RTN4IP1: variants seen among roughly 807,000 people sequenced by gnomAD.
RTN4IP1 encodes the protein NAD(P)H oxidoreductase RTN4IP1, mitochondrial.
RTN4IP1 carries 32 observed loss-of-function variants against 46.6 expected under a neutral mutation model. The observed-to-expected ratio is 0.69, with a 90% confidence interval of 0.52 to 0.92. RTN4IP1 has a LOEUF of 0.92. Among genes scored for constraint, RTN4IP1 ranks in the 40% least tolerant of loss-of-function variants. The probability of loss-of-function intolerance (pLI) is 0.00; values close to 1 mark genes in which losing one functional copy is unlikely to be tolerated. For synonymous variants in RTN4IP1, 167 were observed against 161.8 expected (o/e 1.03, Z -0.24); for missense variants, 424 against 485.8 (o/e 0.87, Z 1.20).
intron 4 of RTN4IP1, among the ~76,000 whole-genome samples, chr6:106,618,138 T>C (rs1776396919): frequency 2.0e-5 from 3 of 152,216 alleles, no homozygotes. Context: ...ATAGCTTTCA[T>C]AAGTTTTCAA....
intron 4 of RTN4IP1, among the ~76,000 whole-genome samples, chr6:106,609,763 A>C (rs1403583114): frequency 6.6e-6 from 1 of 152,236 alleles, no homozygotes; most frequent in Non-Finnish European, 1.5e-5. Context: ...TTGTCAGTTC[A>C]TCTCTTCCCT....
intron 4 of RTN4IP1, among the ~76,000 whole-genome samples, chr6:106,603,820 T>C (rs1348534225): frequency 1.3e-5 from 2 of 152,168 alleles, no homozygotes; most frequent in African/African-American, 4.8e-5. Context: ...ACTGGATGGT[T>C]TCAAGTCCCA....
chr6:106,612,125 G>A (rs1208581453), intron 4 of RTN4IP1, among the ~76,000 whole-genome samples: 7 of 151,950 alleles, frequency 4.6e-5, no homozygotes, highest in Non-Finnish European at 8.8e-5. Flanking sequence ...GGTGGCTCAC[G>A]CCTGTAATCC....
intron 4 of RTN4IP1, among the ~76,000 whole-genome samples, chr6:106,618,897 T>A (rs975253790): frequency 9.2e-5 from 14 of 152,122 alleles, no homozygotes; most frequent in African/African-American, 3.4e-4. Flanking sequence ...AAGATATGGA[T>A]CTTCTTCCTA....
intron 5 of RTN4IP1, among the ~76,000 whole-genome samples, chr6:106,596,720 T>A (rs1775801429): frequency 6.6e-6 from 1 of 152,230 alleles, no homozygotes; most frequent in South Asian, 2.1e-4. Flanking sequence ...CCTTAAAATG[T>A]CTTCATAGTC....
chr6:106,627,400 C>G (rs1032199017), intron 1 of RTN4IP1, among the ~76,000 whole-genome samples: 2 of 152,108 alleles, frequency 1.3e-5, no homozygotes, highest in Non-Finnish European at 2.9e-5. Context: ...AGATAAAATA[C>G]TGCTAATTTA....
In RTN4IP1 at chr6:106,623,092, A is replaced by T. The variant is rs1428302446; in HGVS notation, c.275-123T>A. On this transcript the variant is annotated intron_variant, in intron 1 of 8. Coordinates refer to ENST00000369063, the MANE Select transcript of RTN4IP1 (RefSeq NM_032730.5). ...GATGTAGATTATAAATCATTCCATT[A>T]CAAAGACACATAAGTGTATGTTCAC... 3 of 919,422 alleles carry T rather than the reference A, an allele frequency of 3.3e-6. No homozygotes were observed. In the East Asian group the frequency reaches 7.4e-5, roughly 23 times the overall value. 57.0% of individuals were successfully genotyped at this position (919,422 alleles called of 1,614,324 possible). A position where few individuals can be genotyped will look rare whatever the true frequency, so the allele number is the denominator to read the frequency against.
At position 106,572,061 on chromosome 6, in the gene RTN4IP1, GA is replaced by G; in HGVS notation, c.1125del (p.Pro376GlnfsTer5). 6.2e-7 allele frequency: 1 copy of G among 1,613,974 alleles called. No homozygotes were observed. Among genetic ancestry groups the G allele is most frequent in the African/African-American group, 1.3e-5 (1 of 75,010 alleles). ...VIEQTFPFSK[V>X]PEAFLKVERG... is the part of the protein sequence containing the mutation. The stretch of plus-strand genomic sequence containing the variant: ...CTTTCCACCTTCAGGAAGGCTTCTG[GA>G]ACTTTAGAAAAAGGAAAGGTTTGTT... On this transcript the variant is annotated frameshift_variant, in exon 9 of 9. Coordinates refer to ENST00000369063, the MANE Select transcript of RTN4IP1 (RefSeq NM_032730.5). LOFTEE classifies it high-confidence loss of function.
At chr6:106,618,791 C>G (rs1190545940) in intron 4 of RTN4IP1, among the ~76,000 whole-genome samples, 2 of 152,048 alleles carry the variant, frequency 1.3e-5, no homozygotes, top group African/African-American at 4.8e-5. Flanking sequence ...AGAATAACTC[C>G]TGGGAGAGGT....
intron 5 of RTN4IP1, among the ~76,000 whole-genome samples, chr6:106,594,228 C>T (rs987513855): frequency 3.9e-5 from 6 of 152,072 alleles, no homozygotes; most frequent in Admixed American, 2.0e-4. Flanking sequence ...CACCTATAGA[C>T]GGGGTGTGGT....
Position 106,571,594 on chromosome 6 carries a change from G to A in RTN4IP1, c.*402C>T, listed in dbSNP as rs1210481504. 5.9e-6 allele frequency: 1 copy of A among 168,146 alleles called. No individual in the cohort carries two copies. Among genetic ancestry groups the A allele is most frequent in the Non-Finnish European group, 1.3e-5 (1 of 77,966 alleles). 10.4% of individuals were successfully genotyped at this position (168,146 alleles called of 1,614,324 possible). On this transcript the variant is annotated 3_prime_UTR_variant, in exon 9 of 9. Coordinates refer to ENST00000369063, the MANE Select transcript of RTN4IP1 (RefSeq NM_032730.5). ...CATACCTGTAGTCCTACCTACTTGA[G>A]AGGCTGAAGCAGGAGAATCGCTTAA...
intron 7 of RTN4IP1, among the ~76,000 whole-genome samples, chr6:106,586,578 C>T (rs1256029695): frequency 6.6e-6 from 1 of 152,044 alleles, no homozygotes; most frequent in Non-Finnish European, 1.5e-5. Context: ...CACTATGTTG[C>T]CCAGGCTGGT....
At chr6:106,628,481 T>G (rs1254615518) in intron 1 of RTN4IP1, among the ~76,000 whole-genome samples, 1 of 151,386 alleles carries the variant, frequency 6.6e-6, no homozygotes, top group Non-Finnish European at 1.5e-5. Flanking sequence ...AAAAAAAAAG[T>G]TAGCTACAGA....
intron 4 of RTN4IP1, among the ~76,000 whole-genome samples, chr6:106,615,842 G>A (rs1005527348): frequency 6.6e-6 from 1 of 152,158 alleles, no homozygotes; most frequent in African/African-American, 2.4e-5. Context: ...AGTTATCTAT[G>A]TGTTCCTACT....
At chr6:106,605,720 G>A (rs1228972950) in intron 4 of RTN4IP1, among the ~76,000 whole-genome samples, 1 of 150,894 alleles carries the variant, frequency 6.6e-6, no homozygotes, top group Non-Finnish European at 1.5e-5. Context: ...GGGAGGCTGA[G>A]GCAGGAGAAT....
At chr6:106,629,808 G>C (rs573727729), upstream of RTN4IP1, 69 of 1,409,606 alleles carry the variant, frequency 4.9e-5, no homozygotes, top group Middle Eastern at 1.8e-4. Context: ...GGCCCACCTC[G>C]CTGCTTCCTC....
intron 7 of RTN4IP1, among the ~76,000 whole-genome samples, chr6:106,584,556 G>GT (rs1416089959): frequency 4.6e-5 from 7 of 151,956 alleles, no homozygotes; most frequent in Non-Finnish European, 7.4e-5. Context: ...TTGTTTTGTT[G>GT]TTTTTTTTAG....
rs371472208 is a variant in RTN4IP1 at position 106,571,945 on chromosome 6, A to C, written c.*51T>G. 7.2e-7 allele frequency: 1 copy of C among 1,395,798 alleles called. No individual in the cohort carries two copies. The highest frequency in any genetic ancestry group is 1.7e-5 in the Admixed American group (1 of 58,578). The allele number at this position is 1,395,798 out of a possible 1,614,324, so 86.5% of individuals were successfully genotyped here. On this transcript the variant is annotated 3_prime_UTR_variant, in exon 9 of 9. Transcript: ENST00000369063. Reference sequence around the variant, plus strand: ...GATGGCTAGAAAAAAATTTGGGCTCACAGGCACTCACCAAATAAGAACGTC... The same window carrying C: ...GATGGCTAGAAAAAAATTTGGGCTCCCAGGCACTCACCAAATAAGAACGTC...
upstream of RTN4IP1, chr6:106,629,709 A>G: frequency 6.2e-7 from 1 of 1,605,566 alleles, no homozygotes; most frequent in East Asian, 2.2e-5. Flanking sequence ...CCGAGAAGTG[A>G]GTGGAATTGG....
Sources: gnomAD v4.1 joint callset for allele counts (sites outside exome capture counted in the v4.1 genomes callset) on GRCh38, gnomAD v4.1.1 for gene constraint, MANE v1.5 for transcripts, NCBI Gene and HGNC (gene_info 2026-07-23, HGNC 2026-07-21) for gene names.